The following WDPCP variants were observed in gnomAD, a reference collection of about 807,000 sequenced individuals.
WDPCP encodes the protein WD repeat-containing and planar cell polarity effector protein fritz homolog.
A neutral mutation model predicts 93.1 loss-of-function variants in WDPCP; 71 were observed. The ratio of observed to expected loss-of-function variants is 0.76; its 90% confidence interval spans 0.63 to 0.93. The LOEUF is 0.93. WDPCP is among the 40% of genes least tolerant of loss of function. The pLI, the probability that WDPCP is intolerant of heterozygous loss-of-function variation, is 0.00. For missense variants in WDPCP, 844 were observed against 887.4 expected (o/e 0.95, Z 0.62); for synonymous variants, 315 against 315.0 (o/e 1.00, Z 0.00).
In WDPCP at chr2:63,407,117, G is replaced by C. The variant is rs545969720; in HGVS notation, c.826-2460C>G. Among the ~76,000 whole-genome samples the C allele has an allele frequency of 1.1e-4, 17 of 152,186 alleles. No individual in the cohort carries two copies. The South Asian group carries it at 3.5e-3, about 32-fold the overall frequency. On this transcript the variant is annotated intron_variant, in intron 9 of 17. Coordinates refer to ENST00000272321, the MANE Select transcript of WDPCP (RefSeq NM_015910.7). ...AATAAAGCAAAGTACAGGGAATAGG[G>C]AGTGGCTGGAGTGGGGCTCGGGGTG...
intron 6 of WDPCP, among the ~76,000 whole-genome samples, chr2:63,472,359 ATTC>A (rs1163055691): frequency 1.3e-5 from 2 of 150,966 alleles, no homozygotes; most frequent in African/African-American, 4.9e-5. Context: ...TATTTCTTTT[ATTC>A]TTCTCTTCTG....
intron 2 of WDPCP, among the ~76,000 whole-genome samples, chr2:63,792,143 C>T (rs1478402013): frequency 6.6e-6 from 1 of 152,080 alleles, no homozygotes; most frequent in Non-Finnish European, 1.5e-5. Flanking sequence ...TGTATTAGTC[C>T]ATTTACACAC....
intron 12 of WDPCP, among the ~76,000 whole-genome samples, chr2:63,363,347 C>G (rs1217730808): frequency 2.0e-5 from 3 of 152,002 alleles, no homozygotes; most frequent in Non-Finnish European, 4.4e-5. Context: ...ACCTGTAATC[C>G]CAGCACTTTG....
intron 3 of WDPCP, among the ~76,000 whole-genome samples, chr2:63,617,243 A>T (rs1197017661): frequency 6.6e-6 from 1 of 152,246 alleles, no homozygotes; most frequent in African/African-American, 2.4e-5. Flanking sequence ...TTCAGCTATG[A>T]AATTGAAAAT....
At chr2:63,656,141 C>T (rs898460620) in intron 2 of WDPCP, among the ~76,000 whole-genome samples, 1 of 152,196 alleles carries the variant, frequency 6.6e-6, no homozygotes, top group Non-Finnish European at 1.5e-5. Flanking sequence ...CTTTTGTTCT[C>T]AACTGTGAGT....
At chr2:63,136,213 G>A (rs1287535944) in intron 17 of WDPCP, among the ~76,000 whole-genome samples, 5 of 152,142 alleles carry the variant, frequency 3.3e-5, no homozygotes, top group African/African-American at 1.2e-4. Context: ...TACCCAAACA[G>A]TTTTCTTAGA....
chr2:63,330,529 T>G (rs1206260360), intron 12 of WDPCP, among the ~76,000 whole-genome samples: 2 of 152,206 alleles, frequency 1.3e-5, no homozygotes, highest in Non-Finnish European at 2.9e-5. Context: ...TTCAGTTGGT[T>G]GCCTTTCATT....
At chr2:63,124,030 T>A (rs1183392131) in intron 17 of WDPCP, among the ~76,000 whole-genome samples, 1 of 151,724 alleles carries the variant, frequency 6.6e-6, no homozygotes, top group Admixed American at 6.6e-5. Context: ...CCTTTTTTGG[T>A]TAAATTTATA....
At chr2:63,188,819 A>G (rs1666099965) in intron 14 of WDPCP, among the ~76,000 whole-genome samples, 1 of 152,040 alleles carries the variant, frequency 6.6e-6, no homozygotes, top group South Asian at 2.1e-4. Context: ...CTGGAGCTTA[A>G]TTTTGTTCCT....
chr2:63,300,082 A>G (rs536699433), intron 13 of WDPCP, among the ~76,000 whole-genome samples: 1 of 152,138 alleles, frequency 6.6e-6, no homozygotes, highest in South Asian at 2.1e-4. Flanking sequence ...TATGAGCCCT[A>G]TATAAATCAG....
chr2:63,763,398 G>A (rs1378800392), intron 2 of WDPCP, among the ~76,000 whole-genome samples: 1 of 151,710 alleles, frequency 6.6e-6, no homozygotes, highest in Non-Finnish European at 1.5e-5. Flanking sequence ...AGCTACTCAG[G>A]AGGCTGAGGC....
intron 12 of WDPCP, among the ~76,000 whole-genome samples, chr2:63,340,032 T>C (rs1469172738): frequency 4.6e-5 from 7 of 152,234 alleles, no homozygotes; most frequent in Admixed American, 4.6e-4. Context: ...TTAGTCCTTT[T>C]GGGAAGCTCA....
intron 9 of WDPCP, among the ~76,000 whole-genome samples, chr2:63,420,665 T>C (rs1264569920): frequency 6.6e-6 from 1 of 152,224 alleles, no homozygotes; most frequent in Non-Finnish European, 1.5e-5. Context: ...ATACTACTAC[T>C]TCATCATCAA....
At chr2:63,752,165 C>A in intron 2 of WDPCP, 1 of 638,140 alleles carries the variant, frequency 1.6e-6, no homozygotes, top group South Asian at 1.6e-5. Context: ...TCCACGGAGT[C>A]ATGGTCATCA....
At chr2:63,761,410 A>G (rs1430109867) in intron 2 of WDPCP, among the ~76,000 whole-genome samples, 1 of 152,198 alleles carries the variant, frequency 6.6e-6, no homozygotes, top group Non-Finnish European at 1.5e-5. Context: ...TTATAGCAAC[A>G]AAAAATGGAC....
chr2:63,680,575 C>T (rs1054246044), intron 2 of WDPCP, among the ~76,000 whole-genome samples: 1 of 152,140 alleles, frequency 6.6e-6, no homozygotes, highest in Non-Finnish European at 1.5e-5. Flanking sequence ...TCACTCCAGG[C>T]TGAATGAAGT....
chr2:63,399,121 A>T (rs889942925), intron 10 of WDPCP, among the ~76,000 whole-genome samples: 1 of 152,240 alleles, frequency 6.6e-6, no homozygotes, highest in Non-Finnish European at 1.5e-5. Context: ...AGATCTTTTA[A>T]AGAGCCTATA....
At chr2:63,257,919 T>C (rs12475441) in intron 14 of WDPCP, among the ~76,000 whole-genome samples, 54,743 of 152,060 alleles carry the variant, frequency 0.36, 12,493 homozygotes, top group Non-Finnish European at 0.5. Context: ...AGAAAATTGG[T>C]TAGGACTTAA....
intron 2 of WDPCP, among the ~76,000 whole-genome samples, chr2:63,760,928 T>C (rs1206044898): frequency 6.6e-6 from 1 of 152,172 alleles, no homozygotes; most frequent in Non-Finnish European, 1.5e-5. Flanking sequence ...CACTCAGTGG[T>C]ACATCCAATA....
Sources: allele counts gnomAD v4.1 joint callset (sites outside exome capture counted in the v4.1 genomes callset), GRCh38; gene constraint gnomAD v4.1.1; transcripts MANE v1.5; gene names NCBI Gene and HGNC (gene_info 2026-07-23, HGNC 2026-07-21).